Variants in SLC66A3 observed in about 807,000 individuals in gnomAD.
SLC66A3 encodes the protein PQ loop repeat containing 3.
In SLC66A3, 23 loss-of-function variants were observed where a neutral mutation model predicts 25.5. That is an observed-to-expected ratio of 0.90 (90% confidence interval 0.65 to 1.28). The LOEUF (loss-of-function observed/expected upper bound fraction) is 1.28, where lower values mean the gene tolerates loss of function less well. Among genes scored for constraint, SLC66A3 ranks in the 50% most tolerant of loss-of-function variants. SLC66A3 has a pLI of 0.00. For synonymous variants in SLC66A3, 108 were observed against 112.6 expected, an observed-to-expected ratio of 0.96 and a Z score of 0.26; for missense variants, 246 against 262.1, an observed-to-expected ratio of 0.94 and a Z score of 0.42.
At chr2:11,160,334 C>A in intron 1 of SLC66A3, 132 bp from the exon 2 acceptor site, 1 of 750,280 alleles carries the variant, frequency 1.3e-6, no homozygotes, top group Non-Finnish European at 2.4e-6. Flanking sequence ...CTAAACCTTC[C>A]TCTTTGACAC....
chr2:11,159,656 G>A (rs1014807157), intron 1 of SLC66A3, among the ~76,000 whole-genome samples: 1 of 152,122 alleles, frequency 6.6e-6, no homozygotes, highest in African/African-American at 2.4e-5. Flanking sequence ...CCATGGTTCC[G>A]GCTCCCCTTT....
In SLC66A3 at chr2:11,161,533, T is replaced by G. The variant is rs1000677400; in HGVS notation, c.296+839T>G. Among the ~76,000 whole-genome samples the G allele has an allele frequency of 1.4e-4, 21 of 152,158 alleles. No homozygotes were observed. The East Asian group carries it at 4.1e-3, about 29-fold the overall frequency. ...GTTACAAGATGTTTTAACCTTTTTT[T>G]TAAGAGACAGGGTCTCACTATGTCA... On this transcript the variant is annotated intron_variant, in intron 3 of 6. Coordinates refer to ENST00000295083, the MANE Select transcript of SLC66A3 (RefSeq NM_152391.5).
chr2:11,159,795 G>C (rs976250711), intron 1 of SLC66A3, among the ~76,000 whole-genome samples: 1 of 150,090 alleles, frequency 6.7e-6, no homozygotes, highest in African/African-American at 2.5e-5. Flanking sequence ...CTGGGTGTGA[G>C]GGGGAGGCAG....
chr2:11,172,059 T>A lies in SLC66A3; in HGVS notation c.475+14T>A, dbSNP rs748055989. ...ATACCTGTGCAAGTAAGAACCGGAC[T>A]CACATGGTGGGGAGGCCTTTGGTAG... On this transcript the variant is annotated intron_variant, in intron 5 of 6. Transcript: ENST00000295083. 1.2e-6 allele frequency: 2 copies of A among 1,613,118 alleles called. No homozygotes were observed. The highest frequency in any genetic ancestry group is 1.7e-6 in the Non-Finnish European group (2 of 1,179,506).
At chr2:11,163,281 A>G (rs1349749702) in intron 3 of SLC66A3, among the ~76,000 whole-genome samples, 1 of 152,214 alleles carries the variant, frequency 6.6e-6, no homozygotes, top group African/African-American at 2.4e-5. Context: ...TATAAAATGT[A>G]TATTCAGAAT....
intron 4 of SLC66A3, among the ~76,000 whole-genome samples, chr2:11,165,181 G>A (rs1283731228): frequency 6.6e-6 from 1 of 151,452 alleles, no homozygotes; most frequent in Non-Finnish European, 1.5e-5. Flanking sequence ...CCTCCCTCCT[G>A]GACAGGGCGG....
At position 11,169,408 on chromosome 2, in the gene SLC66A3, G is replaced by A. The variant is rs188522580; in HGVS notation, c.355-2517G>A. 1.5e-3 allele frequency among the ~76,000 whole-genome samples: 221 copies of A among 152,264 alleles called. 2 individuals carry two copies. Among genetic ancestry groups the A allele is most frequent in the Admixed American group, 0.013 (198 of 15,286 alleles). On this transcript the variant is annotated intron_variant, in intron 4 of 6. Transcript: ENST00000295083. ...GACAGAAGGTAAACAAGCTGCTCTTGTCAAGGCCAGCGGCTTTCATTCGCG... is the reference window on the plus strand; with the variant it reads ...GACAGAAGGTAAACAAGCTGCTCTTATCAAGGCCAGCGGCTTTCATTCGCG...
At chr2:11,175,075 ACTGT>A (rs1662690912) in intron 6 of SLC66A3, 66 bp downstream of exon 6, 2 of 1,269,764 alleles carry the variant, frequency 1.6e-6, no homozygotes, top group South Asian at 2.6e-5. Context: ...TCATTTGTAA[ACTGT>A]CTTAGGGTTT....
In SLC66A3 at chr2:11,178,309, T is replaced by TACA. The variant is rs773430850; in HGVS notation, c.*485_*487dup. ...GACTGATGTTTAATTGTAACACAGA[T>TACA]ACAACAGGGTGGCCTTGTTGTGTAT... On this transcript the variant is annotated 3_prime_UTR_variant, in exon 7 of 7. Transcript: ENST00000295083. 1.9e-5 allele frequency: 3 copies of TACA among 155,692 alleles called. No homozygotes were observed. Among genetic ancestry groups the TACA allele is most frequent in the South Asian group, 2.0e-4 (1 of 5,074 alleles). 9.6% of individuals were successfully genotyped at this position (155,692 alleles called of 1,614,324 possible). A position where few individuals can be genotyped will look rare whatever the true frequency, so the allele number is the denominator to read the frequency against.
intron 4 of SLC66A3, among the ~76,000 whole-genome samples, chr2:11,167,651 C>T (rs992159854): frequency 2.0e-5 from 3 of 152,180 alleles, no homozygotes; most frequent in Admixed American, 6.5e-5. Context: ...AGCCCTCCTT[C>T]ACTGACTCAA....
chr2:11,168,553 GAACAAAGCCAGCTTCCCC>G (rs1662434212), intron 4 of SLC66A3, among the ~76,000 whole-genome samples: 1 of 152,110 alleles, frequency 6.6e-6, no homozygotes, highest in South Asian at 2.1e-4. Flanking sequence ...TGATGTGTGT[GAACAAAGCCAGCTTCCCC>G]AGCTCTTCCC....
Position 11,177,827 on chromosome 2 carries a change from G to A in SLC66A3, c.608G>A (p.Ter203=). 6.5e-7 allele frequency: 1 copy of A among 1,544,208 alleles called. No homozygotes were observed. Among genetic ancestry groups the A allele is most frequent in the Non-Finnish European group, 9.0e-7 (1 of 1,117,228 alleles). ...RYRKTAIKAE[*] ...CGGAAGACCGCTATAAAGGCTGAAT[G>A]ATGGATACATTATTCCTTCACACAG... The change falls in exon 7 of 7, where the codon TGA becomes TAA. Residue 203 remains the stop codon, a stop_retained_variant. Transcript: ENST00000295083.
At chr2:11,172,115 T>C in intron 5 of SLC66A3, 70 bp downstream of exon 5, 1 of 1,519,782 alleles carries the variant, frequency 6.6e-7, no homozygotes, top group Non-Finnish European at 9.0e-7. Flanking sequence ...GGGTGTTAAG[T>C]TGGTGTTGAA....
intron 6 of SLC66A3, among the ~76,000 whole-genome samples, chr2:11,175,965 G>A (rs1662724638): frequency 1.3e-5 from 2 of 152,176 alleles, no homozygotes; most frequent in South Asian, 4.1e-4. Flanking sequence ...CTTTTTGTCA[G>A]CTCTGATGAT....
At chr2:11,160,414 C>T (rs1011902645) in intron 1 of SLC66A3, 52 bp from the exon 2 acceptor site, 28 of 1,547,170 alleles carry the variant, frequency 1.8e-5, no homozygotes, top group African/African-American at 2.7e-5. Context: ...TGCCAGGCCC[C>T]GACAGCTGCG....
chr2:11,157,311 C>G (rs983842423), intron 1 of SLC66A3, among the ~76,000 whole-genome samples: 1 of 152,236 alleles, frequency 6.6e-6, no homozygotes, highest in Non-Finnish European at 1.5e-5. Context: ...GCTGGCCTGT[C>G]TAAGGGTCTT....
At chr2:11,175,137 CA>C in intron 6 of SLC66A3, 128 bp downstream of exon 6, 1 of 653,860 alleles carries the variant, frequency 1.5e-6, no homozygotes, top group Non-Finnish European at 2.6e-6. Flanking sequence ...AAGATGGCAA[CA>C]ATGTATTCCT....
At chr2:11,173,498 AATG>A (rs1482814566) in intron 5 of SLC66A3, among the ~76,000 whole-genome samples, 5 of 152,306 alleles carry the variant, frequency 3.3e-5, no homozygotes, top group Admixed American at 3.3e-4. Context: ...CTTTTATTTA[AATG>A]ATGATTTAAT....
chr2:11,172,916 G>C, intron 5 of SLC66A3: 1 of 182,470 alleles, frequency 5.5e-6, no homozygotes, highest in South Asian at 8.2e-5. Context: ...AGGCTGGAGT[G>C]CAGTGGTGCA....
Sources: gnomAD v4.1 joint callset for allele counts (sites outside exome capture counted in the v4.1 genomes callset) on GRCh38, gnomAD v4.1.1 for gene constraint, MANE v1.5 for transcripts, NCBI Gene and HGNC (gene_info 2026-07-23, HGNC 2026-07-21) for gene names.